Variants in CNTN1 observed in about 807,000 individuals in gnomAD.
The protein encoded by CNTN1 is contactin 1.
Under a neutral mutation model 126.4 loss-of-function variants are expected in CNTN1, and 38 were observed. That is an observed-to-expected ratio of 0.30 (90% CI 0.23 to 0.39). CNTN1 has a LOEUF of 0.39. Among genes scored for constraint, CNTN1 ranks in the 10% least tolerant of loss-of-function variants. The pLI, the probability that CNTN1 is intolerant of heterozygous loss-of-function variation, is 1.00. For missense variants in CNTN1, 1,009 were observed against 1,248.4 expected (o/e 0.81, Z 2.89); for synonymous variants, 413 against 422.6 (o/e 0.98, Z 0.28).
chr12:40,805,784 T>C (rs1010562813), intron 1 of CNTN1, among the ~76,000 whole-genome samples: 1 of 151,990 alleles, frequency 6.6e-6, no homozygotes, highest in African/African-American at 2.4e-5. Flanking sequence ...AGGTCAATGG[T>C]ATTTATACCT....
At chr12:40,876,465 A>G (rs1041408460) in intron 1 of CNTN1, among the ~76,000 whole-genome samples, 1 of 152,094 alleles carries the variant, frequency 6.6e-6, no homozygotes, top group African/African-American at 2.4e-5. Flanking sequence ...GTAAGATTGG[A>G]TGATATCCAC....
chr12:41,033,766 C>T (rs1305739653), intron 23 of CNTN1, among the ~76,000 whole-genome samples: 4 of 151,630 alleles, frequency 2.6e-5, no homozygotes, highest in African/African-American at 9.7e-5. Flanking sequence ...GGGCCGGGTG[C>T]AGTGGCTCAC....
chr12:40,776,457 C>T (rs995847076), intron 1 of CNTN1, among the ~76,000 whole-genome samples: 75 of 151,570 alleles, frequency 4.9e-4, no homozygotes, highest in African/African-American at 1.7e-3. Flanking sequence ...ATTTGTGACT[C>T]GTAATTCTTA....
intron 1 of CNTN1, among the ~76,000 whole-genome samples, chr12:40,865,591 T>G (rs1241120772): frequency 2.0e-5 from 3 of 152,110 alleles, no homozygotes; most frequent in Non-Finnish European, 4.4e-5. Flanking sequence ...TACCATATAC[T>G]CATTGAACTG....
intron 1 of CNTN1, among the ~76,000 whole-genome samples, chr12:40,718,345 T>G (rs972840850): frequency 2.0e-5 from 3 of 152,078 alleles, no homozygotes; most frequent in African/African-American, 7.2e-5. Context: ...ATTTTTTTTT[T>G]TCTTTTTTGT....
intron 23 of CNTN1, among the ~76,000 whole-genome samples, chr12:41,034,432 T>A (rs1329900420): frequency 6.6e-6 from 1 of 152,168 alleles, no homozygotes; most frequent in African/African-American, 2.4e-5. Flanking sequence ...TTTAACTCCA[T>A]CACTACTCCT....
chr12:40,953,584 A>G (rs1369698562), intron 14 of CNTN1, among the ~76,000 whole-genome samples: 1 of 152,206 alleles, frequency 6.6e-6, no homozygotes, highest in African/African-American at 2.4e-5. Flanking sequence ...GAGAATAAAC[A>G]TTACAGTTGC....
chr12:40,986,362 T>C (rs1947953590), intron 16 of CNTN1, among the ~76,000 whole-genome samples: 1 of 152,208 alleles, frequency 6.6e-6, no homozygotes, highest in African/African-American at 2.4e-5. Flanking sequence ...AAAGTGCATG[T>C]CATTACTTTA....
chr12:40,891,239 A>C (rs1199557804), intron 1 of CNTN1, among the ~76,000 whole-genome samples: 4 of 152,094 alleles, frequency 2.6e-5, no homozygotes, highest in Non-Finnish European at 4.4e-5. Context: ...TTAAGTTTTA[A>C]GAATTTTTGC....
chr12:40,980,835 C>A, intron 15 of CNTN1, 74 bp from the exon 16 acceptor site: 1 of 1,363,218 alleles, frequency 7.3e-7, no homozygotes, highest in Non-Finnish European at 1.0e-6. Flanking sequence ...GGTTAGAAGA[C>A]ATTTTTATAT....
intron 16 of CNTN1, among the ~76,000 whole-genome samples, chr12:40,984,242 T>C (rs1347940154): frequency 1.3e-5 from 2 of 152,088 alleles, no homozygotes; most frequent in African/African-American, 4.8e-5. Flanking sequence ...TTGTCTGTTA[T>C]ATTATCCTTT....
chr12:40,764,542 A>G (rs1323391710), intron 1 of CNTN1, among the ~76,000 whole-genome samples: 1 of 152,228 alleles, frequency 6.6e-6, no homozygotes, highest in African/African-American at 2.4e-5. Flanking sequence ...CATTTCAAAG[A>G]AATGGCCTCC....
chr12:41,013,095 GGT>G (rs774946532), intron 17 of CNTN1, among the ~76,000 whole-genome samples: 1 of 152,104 alleles, frequency 6.6e-6, no homozygotes, highest in Non-Finnish European at 1.5e-5. Flanking sequence ...GGTTTGAGGA[GGT>G]GGTGTCTGAT....
chr12:40,812,584 T>C (rs1941106111), intron 1 of CNTN1, among the ~76,000 whole-genome samples: 1 of 152,154 alleles, frequency 6.6e-6, no homozygotes, highest in African/African-American at 2.4e-5. Context: ...TTAGCTGCTA[T>C]AGTATTGGGT....
intron 1 of CNTN1, among the ~76,000 whole-genome samples, chr12:40,709,356 T>C (rs1941851713): frequency 6.6e-6 from 1 of 152,210 alleles, no homozygotes; most frequent in South Asian, 2.1e-4. Context: ...ATATGCTACA[T>C]CCAGACTTTG....
intron 1 of CNTN1, among the ~76,000 whole-genome samples, chr12:40,814,943 T>A (rs1941209830): frequency 6.6e-6 from 1 of 152,004 alleles, no homozygotes; most frequent in African/African-American, 2.4e-5. Flanking sequence ...CTAGGTTGAT[T>A]TTCTTTGAAG....
chr12:40,976,443 TA>T (rs1214151240), intron 15 of CNTN1, among the ~76,000 whole-genome samples: 2 of 151,760 alleles, frequency 1.3e-5, no homozygotes, highest in Non-Finnish European at 2.9e-5. Context: ...ATCAGTAAAG[TA>T]ATAGTGAAAT....
intron 16 of CNTN1, among the ~76,000 whole-genome samples, chr12:40,982,121 GT>G (rs1201414393): frequency 6.6e-6 from 1 of 151,932 alleles, no homozygotes; most frequent in African/African-American, 2.4e-5. Flanking sequence ...TAAACTTGAG[GT>G]CTGTTGCAAG....
Position 40,758,898 on chromosome 12 carries a change from A to G in CNTN1, c.-77+66306A>G, listed in dbSNP as rs1466844344. Among the ~76,000 whole-genome samples, 5 of 151,582 alleles carry G rather than the reference A, an allele frequency of 3.3e-5. 1 individual carries two copies. Among genetic ancestry groups the G allele is most frequent in the Admixed American group, 3.3e-4 (5 of 15,172 alleles). On this transcript the variant is annotated intron_variant, in intron 1 of 23. Coordinates refer to ENST00000551295, the MANE Select transcript of CNTN1 (RefSeq NM_001843.4). ...GGATTCAGGTTTTATATATATATAT[A>G]TATTCTTTTTTTTGTTTGTTTTTGA...
Sources: allele counts gnomAD v4.1 joint callset (sites outside exome capture counted in the v4.1 genomes callset), GRCh38; gene constraint gnomAD v4.1.1; transcripts MANE v1.5; gene names NCBI Gene and HGNC (gene_info 2026-07-23, HGNC 2026-07-21).